APEH: variants seen among roughly 807,000 people sequenced by gnomAD.
APEH encodes the protein acylaminoacyl-peptide hydrolase.
A neutral mutation model predicts 102.7 loss-of-function variants in APEH; 75 were observed. The ratio of observed to expected loss-of-function variants is 0.73; its 90% CI spans 0.61 to 0.89. APEH has a LOEUF of 0.89. APEH is among the 40% of genes least tolerant of loss of function. The pLI, the probability that APEH is intolerant of heterozygous loss-of-function variation, is 0.00. For missense variants in APEH, 863 were observed against 941.2 expected (o/e 0.92, Z 1.09); for synonymous variants, 344 against 362.7 (o/e 0.95, Z 0.59).
chr3:49,682,764 T>A (rs764832970), intron 19 of APEH, 28 bp downstream of exon 19: 29 of 1,613,388 alleles, frequency 1.8e-5, no homozygotes, highest in Non-Finnish European at 2.4e-5. Context: ...GTCCCTGCCC[T>A]TCCCTCCTCT....
rs1454899633 is a variant in APEH, at chr3:49,676,500, T to C, written c.729T>C (p.Asn243=). 6 of 1,614,242 alleles carry C rather than the reference T, an allele frequency of 3.7e-6. No individual in the cohort carries two copies. The highest frequency in any genetic ancestry group is 5.1e-6 in the Non-Finnish European group (6 of 1,180,032). Residue 243 remains asparagine (N), a synonymous_variant, in exon 7 of 22, where the codon AAT becomes AAC. Transcript: ENST00000296456. ...CTGTGCTTGAGGGGGTCCCTGAGAA[T>C]GTGTCCCCTGGACAGGTCAGCAGCA... ...NISVLEGVPE[N]VSPGQAFWAP...
upstream of APEH, among the ~76,000 whole-genome samples, chr3:49,673,417 T>C (rs1312639755): frequency 6.6e-6 from 1 of 152,068 alleles, no homozygotes; most frequent in African/African-American, 2.4e-5. Flanking sequence ...ACCAGGCCTT[T>C]CACACCCAAG....
In APEH at chr3:49,676,237, A is replaced by G; in HGVS notation, c.606+18A>G. On this transcript the variant is annotated intron_variant, in intron 6 of 21. Coordinates refer to ENST00000296456, the MANE Select transcript of APEH (RefSeq NM_001640.4). ...CCATCAAGGTGCTCGTGGTCAATCC[A>G]CGAAGGCCCGGCAGGGCAGCCCTGG... is the stretch of plus-strand genomic sequence containing the variant. The G allele has an allele frequency of 6.2e-7, 1 of 1,612,952 alleles. No homozygotes were observed. The highest frequency in any genetic ancestry group is 8.5e-7 in the Non-Finnish European group (1 of 1,179,350).
chr3:49,677,098 G>C, intron 10 of APEH, 74 bp downstream of exon 10: 1 of 1,596,678 alleles, frequency 6.3e-7, no homozygotes, highest in Non-Finnish European at 8.5e-7. Context: ...TGAAGGGCCA[G>C]TATCATCTCC....
Position 49,679,449 on chromosome 3 carries a change from A to G in APEH, c.1159-144A>G, listed in dbSNP as rs1402480561. On this transcript the variant is annotated intron_variant, in intron 12 of 21. Coordinates refer to ENST00000296456, the MANE Select transcript of APEH (RefSeq NM_001640.4). The surrounding 1 kb of genome is among the most constrained non-coding windows in gnomAD (Gnocchi z 4.3). ...AGGCCCTCACACTACTCCCTACTGC[A>G]CTGAGTAACCATCACCATAGCTGTC... 1.2e-6 allele frequency: 1 copy of G among 805,630 alleles called. No homozygotes were observed. Among genetic ancestry groups the G allele is most frequent in the Non-Finnish European group, 2.1e-6 (1 of 480,198 alleles). The allele number at this position is 805,630 out of a possible 1,614,324, so 49.9% of individuals were successfully genotyped here.
chr3:49,680,680 G>GGC (rs759936394), intron 14 of APEH, 51 bp downstream of exon 14: 1 of 1,524,778 alleles, frequency 6.6e-7, no homozygotes, highest in East Asian at 2.3e-5. Context: ...TGGGCAGGCA[G>GGC]AGCTCACCAG....
In APEH at chr3:49,676,084, C is replaced by G. The variant is rs769385492; in HGVS notation, c.471C>G (p.His157Gln). The G allele has an allele frequency of 1.9e-6, 3 of 1,614,216 alleles. No individual in the cohort carries two copies. Among genetic ancestry groups the G allele is most frequent in the Non-Finnish European group, 2.5e-6 (3 of 1,180,022 alleles). The change falls in exon 6 of 22, where the codon CAC becomes CAG. Residue 157 changes from histidine (H) to glutamine (Q), a missense_variant. By Grantham distance (24) the His-to-Gln change is conservative. Coordinates refer to ENST00000296456, the MANE Select transcript of APEH (RefSeq NM_001640.4). ...GCTTTGGCTGCCTGTCCTGGTCGCA[C>G]TCGGAGACACACTTGTTGTATGTGG... Reference protein sequence around the residue: ...DDCFGCLSWSHSETHLLYVAE... With the variant: ...DDCFGCLSWSQSETHLLYVAE...
In APEH at chr3:49,683,063, G is replaced by A. The variant is rs199925388; in HGVS notation, c.2010G>A (p.Met670Ile). The A allele has an allele frequency of 3.1e-6, 5 of 1,614,078 alleles. No homozygotes were observed. The East Asian group carries it at 1.1e-4, about 36-fold the overall frequency. The change falls in exon 21 of 22, where the codon ATG (methionine) becomes ATA (isoleucine). Residue 670 changes from methionine (M) to isoleucine (I), a missense_variant. Coordinates refer to ENST00000296456, the MANE Select transcript of APEH (RefSeq NM_001640.4). ...AGGTGAAGACACCACTGTTACTGAT[G>A]TTGGGCCAGGAGGACCGGCGTGTGC... ...IPQVKTPLLL[M>I]LGQEDRRVPF...
chr3:49,682,080 C>G, intron 17 of APEH, 113 bp downstream of exon 17: 1 of 1,232,230 alleles, frequency 8.1e-7, no homozygotes. Flanking sequence ...TTTCTCTAGC[C>G]TAGACCTAGT....
upstream of APEH, chr3:49,674,201 C>T (rs1272417538): frequency 4.5e-6 from 3 of 670,960 alleles, no homozygotes; most frequent in Non-Finnish European, 7.3e-6. Context: ...CCCAGGACTT[C>T]TCGCTCCCAG....
intron 17 of APEH, among the ~76,000 whole-genome samples, 161 bp from the exon 18 acceptor site, chr3:49,682,187 C>T (rs140983160): frequency 6.6e-6 from 1 of 152,352 alleles, no homozygotes; most frequent in East Asian, 1.9e-4. Context: ...GCGCTGTGGT[C>T]ACTGGGTGGC....
Position 49,676,368 on chromosome 3 carries a change from G to C in APEH, c.607-10G>C. ...AGACAGGCTGGGCATTGAGTATCTTGTGTTCTCAGGGGGATCAGTTTGTGT... is the reference window on the plus strand; with the variant it reads ...AGACAGGCTGGGCATTGAGTATCTTCTGTTCTCAGGGGGATCAGTTTGTGT... On this transcript the variant is annotated splice_polypyrimidine_tract_variant and intron_variant, in intron 6 of 21. Coordinates refer to ENST00000296456, the MANE Select transcript of APEH (RefSeq NM_001640.4). The C allele has an allele frequency of 1.9e-6, 3 of 1,614,176 alleles. No individual in the cohort carries two copies. Among genetic ancestry groups the C allele is most frequent in the Non-Finnish European group, 2.5e-6 (3 of 1,180,024 alleles).
intron 2 of APEH, among the ~76,000 whole-genome samples, chr3:49,674,889 A>C (rs2052952199): frequency 6.6e-6 from 1 of 152,082 alleles, no homozygotes; most frequent in South Asian, 2.1e-4. Flanking sequence ...TGGACCTTGT[A>C]GGGCTCTCCA....
upstream of APEH, chr3:49,674,220 CT>C (rs1226647839): frequency 1.4e-5 from 11 of 761,810 alleles, no homozygotes; most frequent in Admixed American, 3.1e-4. Context: ...AGGCCGGGTC[CT>C]CTCACCGTCA....
At chr3:49,680,153 C>T (rs146739721) in intron 13 of APEH, 1 of 281,100 alleles carries the variant, frequency 3.6e-6, no homozygotes, top group East Asian at 9.1e-5. Context: ...ACAAAGCTAC[C>T]AAAGTATCAT....
intron 6 of APEH, 78 bp downstream of exon 6, chr3:49,676,297 C>A: frequency 6.2e-7 from 1 of 1,611,448 alleles, no homozygotes; most frequent in South Asian, 1.1e-5. Flanking sequence ...CTGTGCCTGT[C>A]AGACCTGGGG....
At chr3:49,675,082 T>G in intron 2 of APEH, 101 bp from the exon 3 acceptor site, 1 of 1,477,816 alleles carries the variant, frequency 6.8e-7, no homozygotes, top group Non-Finnish European at 9.3e-7. Context: ...GATTGAGAGA[T>G]TGGGGAAGAT....
chr3:49,676,022 T>TG, intron 5 of APEH, 34 bp from the exon 6 acceptor site: 1 of 1,614,160 alleles, frequency 6.2e-7, no homozygotes, highest in Non-Finnish European at 8.5e-7. Context: ...GCCGTAGCCC[T>TG]GGGCCCCCCC....
intron 11 of APEH, among the ~76,000 whole-genome samples, chr3:49,678,194 T>C (rs1487267763): frequency 6.6e-6 from 1 of 152,030 alleles, no homozygotes; most frequent in African/African-American, 2.4e-5. Context: ...CAAGGATGAG[T>C]CTCTTGTTTT....
Sources: gnomAD v4.1 joint callset for allele counts (sites outside exome capture counted in the v4.1 genomes callset) on GRCh38, gnomAD v4.1.1 for gene constraint, Gnocchi (gnomAD v3.1) non-coding constraint, MANE v1.5 for transcripts, NCBI Gene and HGNC (gene_info 2026-07-23, HGNC 2026-07-21) for gene names.